AP2S1: variants seen among roughly 807,000 people sequenced by gnomAD.
The protein encoded by AP2S1 is adaptor related protein complex 2 subunit sigma 1, also known as AP-2 complex subunit sigma.
AP2S1 carries 6 observed loss-of-function variants against 21.0 expected under a neutral mutation model. The ratio of observed to expected loss-of-function variants is 0.29; its 90% CI spans 0.16 to 0.56. The LOEUF is 0.56. Among genes scored for constraint, AP2S1 ranks in the 20% least tolerant of loss-of-function variants. The pLI, the probability that AP2S1 is intolerant of heterozygous loss-of-function variation, is 0.92. For missense variants in AP2S1, 60 were observed against 186.2 expected (o/e 0.32, Z 3.95); for synonymous variants, 63 against 74.6 (o/e 0.84, Z 0.80).
At chr19:46,839,735 C>G in intron 2 of AP2S1, 157 bp from the exon 3 acceptor site, 1 of 1,275,212 alleles carries the variant, frequency 7.8e-7, no homozygotes, top group Non-Finnish European at 1.1e-6. Context: ...ACCGAGACAG[C>G]CCTAACCCTG....
rs2055454975 is a variant in AP2S1, at chr19:46,838,630, C to T, written c.328-82G>A. 6.3e-7 allele frequency: 1 copy of T among 1,576,886 alleles called. No homozygotes were observed. The highest frequency in any genetic ancestry group is 1.7e-5 in the Admixed American group (1 of 59,356). On this transcript the variant is annotated intron_variant, in intron 4 of 4. Coordinates refer to ENST00000263270, the MANE Select transcript of AP2S1 (RefSeq NM_004069.6). This position sits in a 1 kb window ranked among gnomAD's most constrained non-coding sequence, Gnocchi z 4.1. ...CCTGGAAGCTGGGGCTCTGATGCCCCTCGAGCTGGGACACAGACCTCAGCA... is the reference window on the plus strand; with the variant it reads ...CCTGGAAGCTGGGGCTCTGATGCCCTTCGAGCTGGGACACAGACCTCAGCA...
rs2055455354 is a variant in AP2S1, at chr19:46,838,642, C to T, written c.328-94G>A. The T allele has an allele frequency of 1.9e-6, 3 of 1,568,484 alleles. No homozygotes were observed. Among genetic ancestry groups the T allele is most frequent in the East Asian group, 4.5e-5 (2 of 44,486 alleles). On this transcript the variant is annotated intron_variant, in intron 4 of 4. Transcript: ENST00000263270. This position sits in a 1 kb window ranked among gnomAD's most constrained non-coding sequence, Gnocchi z 4.1. ...GGCTCTGATGCCCCTCGAGCTGGGA[C>T]ACAGACCTCAGCAGAGGCTCCGGGT...
At chr19:46,840,367 C>CAA (rs60907407) in intron 2 of AP2S1, among the ~76,000 whole-genome samples, 52,205 of 100,014 alleles carry the variant, frequency 0.52, 11,563 homozygotes, top group East Asian at 0.58. Flanking sequence ...AGGTTCATTA[C>CAA]AAAAAAAAAA....
rs775941065 is a variant in AP2S1, at chr19:46,838,439, G to T, written c.*8C>A. 6.2e-7 allele frequency: 1 copy of T among 1,613,804 alleles called. No individual in the cohort carries two copies. Among genetic ancestry groups the T allele is most frequent in the Non-Finnish European group, 8.5e-7 (1 of 1,179,824 alleles). ...AGGGGCCGGGGCCGGGGTGGGGCTC[G>T]CCTGCCCTCACTCCAGGGACTGTAG... On this transcript the variant is annotated 3_prime_UTR_variant, in exon 5 of 5. Coordinates refer to ENST00000263270, the MANE Select transcript of AP2S1 (RefSeq NM_004069.6). This position sits in a 1 kb window ranked among gnomAD's most constrained non-coding sequence, Gnocchi z 4.1.
intron 1 of AP2S1, among the ~76,000 whole-genome samples, chr19:46,849,575 T>G (rs933043495): frequency 6.6e-6 from 1 of 152,148 alleles, no homozygotes; most frequent in African/African-American, 2.4e-5. Context: ...AAGCTCTGCC[T>G]CTTACTCCCA....
At position 46,838,559 on chromosome 19, in the gene AP2S1, G is replaced by A. The variant is rs1363807535; in HGVS notation, c.328-11C>T. On this transcript the variant is annotated splice_polypyrimidine_tract_variant and intron_variant, in intron 4 of 4. Coordinates refer to ENST00000263270, the MANE Select transcript of AP2S1 (RefSeq NM_004069.6). This position sits in a 1 kb window ranked among gnomAD's most constrained non-coding sequence, Gnocchi z 4.1. ...CACGACCGTGTAAACCTGTGTGAGG[G>A]GAGACCCTGGGGTGAGACGAGGCCC... 21 of 1,613,984 alleles carry A rather than the reference G, an allele frequency of 1.3e-5. No individual in the cohort carries two copies. The highest frequency in any genetic ancestry group is 1.8e-5 in the Non-Finnish European group (21 of 1,179,960).
In AP2S1 at chr19:46,850,841, G is replaced by C; in HGVS notation, c.-75C>G. 1 of 1,424,180 alleles carries C rather than the reference G, an allele frequency of 7.0e-7. No individual in the cohort carries two copies. The highest frequency in any genetic ancestry group is 9.5e-7 in the Non-Finnish European group (1 of 1,053,314). 88.2% of individuals were successfully genotyped at this position (1,424,180 alleles called of 1,614,324 possible). ...AGCTCCGGCTCAGGGTGCAGTTGTA[G>C]GGCCCAGAGCTAGAGCGGACTTCCG... On this transcript the variant is annotated 5_prime_UTR_variant, in exon 1 of 5. Coordinates refer to ENST00000263270, the MANE Select transcript of AP2S1 (RefSeq NM_004069.6).
At chr19:46,845,679 G>A (rs540319953) in intron 2 of AP2S1, 7 of 198,590 alleles carry the variant, frequency 3.5e-5, no homozygotes, top group South Asian at 3.4e-4. Flanking sequence ...TTTTTTAATC[G>A]TAGGCAAAAA....
rs571110258 is a variant in AP2S1, at chr19:46,850,830, GTGCAGTT to G, written c.-71_-65del. ...GGCGACTGGGCAGCTCCGGCTCAGG[GTGCAGTT>G]GTAGGGCCCAGAGCTAGAGCGGACT... On this transcript the variant is annotated 5_prime_UTR_variant, in exon 1 of 5. Coordinates refer to ENST00000263270, the MANE Select transcript of AP2S1 (RefSeq NM_004069.6). 1.3e-6 allele frequency: 2 copies of G among 1,498,418 alleles called. No homozygotes were observed. Among genetic ancestry groups the G allele is most frequent in the South Asian group, 2.5e-5 (2 of 79,758 alleles). 92.8% of individuals were successfully genotyped at this position (1,498,418 alleles called of 1,614,324 possible).
intron 2 of AP2S1, among the ~76,000 whole-genome samples, chr19:46,839,909 G>C (rs1000218130): frequency 2.0e-5 from 3 of 152,168 alleles, no homozygotes; most frequent in African/African-American, 7.2e-5. Flanking sequence ...GTTCTAAGCA[G>C]ATAGCAAAAG....
rs117536527 is a variant in AP2S1 at position 46,839,063 on chromosome 19, G to C, written c.268-264C>G. Reference sequence around the variant, plus strand: ...GCACTTTGGGAGGCTAAGGCAGAAGGATGACTTGAAGTTAGGAGTGCAAGA... The same window carrying C: ...GCACTTTGGGAGGCTAAGGCAGAAGCATGACTTGAAGTTAGGAGTGCAAGA... On this transcript the variant is annotated intron_variant, in intron 3 of 4. Transcript: ENST00000263270. 0.049 allele frequency among the ~76,000 whole-genome samples: 7,516 copies of C among 151,970 alleles called. 258 individuals carry two copies. Among genetic ancestry groups the C allele is most frequent in the Middle Eastern group, 0.13 (37 of 292 alleles).
chr19:46,840,515 C>T lies in AP2S1; in HGVS notation c.154-937G>A, dbSNP rs575409278. ...CTTAGCTGGGTATGGTGGCGTGTAC[C>T]TGTGGTCCCAGCTACTCGGGAGGCT... On this transcript the variant is annotated intron_variant, in intron 2 of 4. Coordinates refer to ENST00000263270, the MANE Select transcript of AP2S1 (RefSeq NM_004069.6). Among the ~76,000 whole-genome samples, 3 of 151,786 alleles carry T rather than the reference C, an allele frequency of 2.0e-5. No homozygotes were observed. In the East Asian group the frequency reaches 5.8e-4, roughly 30 times the overall value.
At chr19:46,846,592 G>A (rs2055639428) in intron 1 of AP2S1, among the ~76,000 whole-genome samples, 1 of 151,772 alleles carries the variant, frequency 6.6e-6, no homozygotes, top group Admixed American at 6.6e-5. Context: ...GCCCCTCTAG[G>A]CCTGTTTCCT....
chr19:46,845,939 C>T (rs900220711), intron 2 of AP2S1, 54 bp downstream of exon 2: 43 of 1,607,284 alleles, frequency 2.7e-5, no homozygotes, highest in East Asian at 2.0e-4. Context: ...CAGGGAGTGG[C>T]GAAGTAGGGC....
At position 46,838,370 on chromosome 19, in the gene AP2S1, T is replaced by A. The variant is rs1295017916; in HGVS notation, c.*77A>T. 1.0e-5 allele frequency: 15 copies of A among 1,439,546 alleles called. No homozygotes were observed. Among genetic ancestry groups the A allele is most frequent in the Admixed American group, 5.3e-5 (3 of 56,884 alleles). 89.2% of individuals were successfully genotyped at this position (1,439,546 alleles called of 1,614,324 possible). On this transcript the variant is annotated 3_prime_UTR_variant, in exon 5 of 5. Coordinates refer to ENST00000263270, the MANE Select transcript of AP2S1 (RefSeq NM_004069.6). The surrounding 1 kb of genome is among the most constrained non-coding windows in gnomAD (Gnocchi z 4.1). The stretch of plus-strand genomic sequence containing the variant: ...GGCAGCTGAGGGAAGGACTGCTGGG[T>A]TGGCCACGGGCCTGGGAAGGGGAAG...
At chr19:46,839,438 C>CCCCCCAAAAA in intron 3 of AP2S1, 27 bp downstream of exon 3, 1 of 1,577,418 alleles carries the variant, frequency 6.3e-7, no homozygotes, top group Non-Finnish European at 8.7e-7. Context: ...ACCCGCCTCC[C>CCCCCCAAAAA]CACCTTACAT....
At chr19:46,841,826 C>T (rs1379277352) in intron 2 of AP2S1, among the ~76,000 whole-genome samples, 1 of 152,216 alleles carries the variant, frequency 6.6e-6, no homozygotes, top group East Asian at 1.9e-4. Flanking sequence ...CTGGATGGTT[C>T]AGGCGGGACC....
chr19:46,850,465 C>T, intron 1 of AP2S1: 2 of 720,078 alleles, frequency 2.8e-6, no homozygotes, highest in South Asian at 3.1e-5. Flanking sequence ...CTGTGTCTCA[C>T]GAGTTTCCTC....
At chr19:46,839,826 T>C (rs1330098685) in intron 2 of AP2S1, among the ~76,000 whole-genome samples, 1 of 77,642 alleles carries the variant, frequency 1.3e-5, no homozygotes, top group African/African-American at 6.1e-5. Flanking sequence ...TAACCCCCTC[T>C]GATCCTGGAG....
Sources: allele counts gnomAD v4.1 joint callset (sites outside exome capture counted in the v4.1 genomes callset), GRCh38; gene constraint gnomAD v4.1.1; non-coding constraint Gnocchi (gnomAD v3.1); transcripts MANE v1.5; gene names NCBI Gene and HGNC (gene_info 2026-07-23, HGNC 2026-07-21).